The following DSG1 variants were observed in gnomAD, a reference collection of about 807,000 sequenced individuals.
DSG1 encodes the protein desmoglein 1.
In DSG1, 39 loss-of-function variants were observed where a neutral mutation model predicts 97.5. The observed-to-expected ratio is 0.40, with a 90% CI of 0.31 to 0.52. The LOEUF (loss-of-function observed/expected upper bound fraction) is 0.52, where lower values mean the gene tolerates loss of function less well. DSG1 is among the 20% of genes least tolerant of loss of function. DSG1 has a pLI of 0.53. For synonymous variants in DSG1, 475 were observed against 443.4 expected, an observed-to-expected ratio of 1.07 and a Z score of -0.90; for missense variants, 1,311 against 1,295.4, an observed-to-expected ratio of 1.01 and a Z score of -0.18.
chr18:31,346,925 A>T (rs1255491819), intron 14 of DSG1, among the ~76,000 whole-genome samples: 2 of 152,180 alleles, frequency 1.3e-5, no homozygotes, highest in African/African-American at 4.8e-5. Flanking sequence ...AAAACATTGT[A>T]AGAACGAGCT....
chr18:31,328,662 T>C (rs768372051), intron 4 of DSG1, among the ~76,000 whole-genome samples: 2 of 152,150 alleles, frequency 1.3e-5, no homozygotes, highest in Non-Finnish European at 2.9e-5. Context: ...TTACCTTATT[T>C]TAAGTCTAAT....
At chr18:31,341,243 T>C (rs1330914029) in intron 11 of DSG1, among the ~76,000 whole-genome samples, 1 of 152,240 alleles carries the variant, frequency 6.6e-6, no homozygotes. Flanking sequence ...CATTGTCATT[T>C]TCAAATGTGG....
In DSG1 at chr18:31,359,087, T is replaced by C. The variant is rs754868913; in HGVS notation, c.*3741T>C. Reference sequence around the variant, plus strand: ...GCATTTTAAAATTCTAATATTCATCTCTGGTGGTGTTTAACACAAGGTTCT... The same window carrying C: ...GCATTTTAAAATTCTAATATTCATCCCTGGTGGTGTTTAACACAAGGTTCT... On this transcript the variant is annotated 3_prime_UTR_variant, in exon 15 of 15. Transcript: ENST00000257192. Among the ~76,000 whole-genome samples the C allele has an allele frequency of 1.3e-5, 2 of 152,180 alleles. No individual in the cohort carries two copies. The highest frequency in any genetic ancestry group is 2.9e-5 in the Non-Finnish European group (2 of 68,012).
In DSG1 at chr18:31,358,438, A is replaced by C. The variant is rs868778731; in HGVS notation, c.*3092A>C. ...ATCTTCATCTAGACATCTGTTCTAC[A>C]TTTGTGTATAAAGTTTTTAGCATCA... On this transcript the variant is annotated 3_prime_UTR_variant, in exon 15 of 15. Coordinates refer to ENST00000257192, the MANE Select transcript of DSG1 (RefSeq NM_001942.4). Among the ~76,000 whole-genome samples, 1 of 152,068 alleles carries C rather than the reference A, an allele frequency of 6.6e-6. No individual in the cohort carries two copies. Among genetic ancestry groups the C allele is most frequent in the Non-Finnish European group, 1.5e-5 (1 of 67,932 alleles).
Position 31,355,745 on chromosome 18 carries a change from TC to T in DSG1, c.*400del, listed in dbSNP as rs1374296068. On this transcript the variant is annotated 3_prime_UTR_variant, in exon 15 of 15. Transcript: ENST00000257192. ...TATATGTTCATATCTATGGGAAAAA[TC>T]TAAAATGTGTGCCAGATGCCCTGTT... 4 of 186,438 alleles carry T rather than the reference TC, an allele frequency of 2.1e-5. No homozygotes were observed. The Admixed American group carries it at 2.2e-4, about 10-fold the overall frequency. 11.5% of individuals were successfully genotyped at this position (186,438 alleles called of 1,614,324 possible). A position where few individuals can be genotyped will look rare whatever the true frequency, so the allele number is the denominator to read the frequency against.
chr18:31,352,548 A>C (rs1448128473), intron 14 of DSG1, among the ~76,000 whole-genome samples: 1 of 150,280 alleles, frequency 6.7e-6, no homozygotes, highest in Non-Finnish European at 1.5e-5. Flanking sequence ...TCTCCTGGAT[A>C]ATATCCTACA....
intron 11 of DSG1, among the ~76,000 whole-genome samples, chr18:31,341,380 G>A (rs1271814968): frequency 1.3e-5 from 2 of 152,162 alleles, no homozygotes; most frequent in African/African-American, 2.4e-5. Context: ...CACGTGAACA[G>A]TGGCAGATAT....
chr18:31,355,549 A>G lies in DSG1; in HGVS notation c.*203A>G, dbSNP rs2071949597. 4.9e-6 allele frequency: 3 copies of G among 613,664 alleles called. No individual in the cohort carries two copies. The highest frequency in any genetic ancestry group is 8.6e-6 in the Non-Finnish European group (3 of 350,796). The allele number at this position is 613,664 out of a possible 1,614,324, so 38.0% of individuals were successfully genotyped here. ...TAGCATTCATAAACTTTTCTCTTATATTAGGACTAAGGAACTAAAACTTGA... is the reference window on the plus strand; with the variant it reads ...TAGCATTCATAAACTTTTCTCTTATGTTAGGACTAAGGAACTAAAACTTGA... On this transcript the variant is annotated 3_prime_UTR_variant, in exon 15 of 15. Transcript: ENST00000257192.
rs192021891 is a variant in DSG1 at position 31,330,444 on chromosome 18, T to C, written c.517+408T>C. Among the ~76,000 whole-genome samples, 127 of 152,236 alleles carry C rather than the reference T, an allele frequency of 8.3e-4. 1 individual carries two copies. Among genetic ancestry groups the C allele is most frequent in the Non-Finnish European group, 1.4e-3 (95 of 68,006 alleles). On this transcript the variant is annotated intron_variant, in intron 5 of 14. Coordinates refer to ENST00000257192, the MANE Select transcript of DSG1 (RefSeq NM_001942.4). ...CTTTAAAATCACTTATAGAAATCACTTCCACACAAAACTTCTTTTTGTGAT... is the reference window on the plus strand; with the variant it reads ...CTTTAAAATCACTTATAGAAATCACCTCCACACAAAACTTCTTTTTGTGAT...
At chr18:31,328,037 T>C in intron 3 of DSG1, 152 bp from the exon 4 acceptor site, 1 of 743,892 alleles carries the variant, frequency 1.3e-6, no homozygotes, top group South Asian at 1.9e-5. Context: ...AGAGCTGTAA[T>C]TGTTACTCTT....
Position 31,356,570 on chromosome 18 carries a change from C to A in DSG1, c.*1224C>A, listed in dbSNP as rs2071960728. The stretch of plus-strand genomic sequence containing the variant: ...TAAAGTAGTGGTTGCTTTAGCAAAC[C>A]TCTGCTGCCATTTTGCAGGAATCAA... On this transcript the variant is annotated 3_prime_UTR_variant, in exon 15 of 15. Coordinates refer to ENST00000257192, the MANE Select transcript of DSG1 (RefSeq NM_001942.4). The A allele has an allele frequency of 6.6e-6, 1 of 152,130 alleles. No homozygotes were observed. The highest frequency in any genetic ancestry group is 2.1e-4 in the South Asian group (1 of 4,828). 9.4% of individuals were successfully genotyped at this position (152,130 alleles called of 1,614,324 possible). A position where few individuals can be genotyped will look rare whatever the true frequency, so the allele number is the denominator to read the frequency against.
intron 6 of DSG1, among the ~76,000 whole-genome samples, chr18:31,333,000 G>A (rs1235511671): frequency 6.6e-6 from 1 of 152,178 alleles, no homozygotes; most frequent in Non-Finnish European, 1.5e-5. Flanking sequence ...GGTCAATGGA[G>A]AGACCTCAAG....
At chr18:31,334,529 T>C (rs35257361) in intron 8 of DSG1, among the ~76,000 whole-genome samples, 62,962 of 151,980 alleles carry the variant, frequency 0.41, 14,259 homozygotes, top group Non-Finnish European at 0.5. Flanking sequence ...CTTAAGAACT[T>C]TTTAAAGCAT....
intron 3 of DSG1, among the ~76,000 whole-genome samples, chr18:31,327,474 A>AC (rs2071692981): frequency 6.6e-6 from 1 of 151,614 alleles, no homozygotes; most frequent in Non-Finnish European, 1.5e-5. Context: ...ACTCAGAAAC[A>AC]CCCCCCACAA....
At chr18:31,346,230 A>G in intron 14 of DSG1, 32 bp downstream of exon 14, 2 of 1,555,760 alleles carry the variant, frequency 1.3e-6, no homozygotes, top group Non-Finnish European at 1.8e-6. Context: ...CTTTCTCGCC[A>G]TCCATGTGCC....
rs1433386118 is a variant in DSG1 at position 31,331,816 on chromosome 18, CA to C, written c.635del (p.Asn212ThrfsTer10). ...CTTCAGATTCACCAATGTTTATTATCAACAGAAATACTGGAGAAATTCGAAC... is the reference window on the plus strand; with the variant it reads ...CTTCAGATTCACCAATGTTTATTATCACAGAAATACTGGAGAAATTCGAAC... Reference protein sequence around the residue: ...EPSDSPMFIINRNTGEIRTMN... With the variant: ...EPSDSPMFIIXRNTGEIRTMN... On this transcript the variant is annotated frameshift_variant, in exon 6 of 15. Transcript: ENST00000257192. LOFTEE classifies it high-confidence loss of function. The C allele has an allele frequency of 6.2e-7, 1 of 1,612,610 alleles. No homozygotes were observed.
At chr18:31,354,269 T>C in intron 14 of DSG1, 28 bp from the exon 15 acceptor site, 1 of 1,598,848 alleles carries the variant, frequency 6.3e-7, no homozygotes, top group Non-Finnish European at 8.6e-7. Flanking sequence ...ATTCATAATT[T>C]CATTTTCTCT....
At chr18:31,332,319 T>G (rs929700280) in intron 6 of DSG1, among the ~76,000 whole-genome samples, 4 of 152,170 alleles carry the variant, frequency 2.6e-5, no homozygotes, top group African/African-American at 9.7e-5. Context: ...CTAGCATATC[T>G]AAGCTCCATT....
chr18:31,335,152 G>A (rs1303554999), intron 8 of DSG1, among the ~76,000 whole-genome samples: 4 of 152,022 alleles, frequency 2.6e-5, no homozygotes, highest in Admixed American at 6.6e-5. Flanking sequence ...GAGACAGTAC[G>A]CAGGTGCTTT....
Sources: allele counts gnomAD v4.1 joint callset (sites outside exome capture counted in the v4.1 genomes callset), GRCh38; gene constraint gnomAD v4.1.1; transcripts MANE v1.5; gene names NCBI Gene and HGNC (gene_info 2026-07-23, HGNC 2026-07-21).